Variants in ABHD5 observed in about 807,000 individuals in gnomAD.
The protein encoded by ABHD5 is abhydrolase domain containing 5, lysophosphatidic acid acyltransferase, also known as 1-acylglycerol-3-phosphate O-acyltransferase ABHD5.
Under a neutral mutation model 44.9 loss-of-function variants are expected in ABHD5, and 30 were observed. The ratio of observed to expected loss-of-function variants is 0.67; its 90% CI spans 0.50 to 0.91. The LOEUF (loss-of-function observed/expected upper bound fraction) is 0.91, where lower values mean the gene tolerates loss of function less well. ABHD5 is among the 40% of genes least tolerant of loss of function. The pLI is 0.00. For synonymous variants in ABHD5, 167 were observed against 147.0 expected, an observed-to-expected ratio of 1.14 and a Z score of -0.99; for missense variants, 399 against 423.4, an observed-to-expected ratio of 0.94 and a Z score of 0.50.
rs2084748098 is a variant in ABHD5, at chr3:43,715,152, C to CTATG, written c.773+97_773+98insGTAT. ...GTGTTTTAGACTATTTTTTTTAAAA[C>CTATG]TATTTATTTATTTATTTATTCATTC... is the stretch of plus-strand genomic sequence containing the variant. On this transcript the variant is annotated intron_variant, in intron 5 of 6. Coordinates refer to ENST00000644371, the MANE Select transcript of ABHD5 (RefSeq NM_016006.6). 4 of 872,904 alleles carry CTATG rather than the reference C, an allele frequency of 4.6e-6. No homozygotes were observed. The East Asian group carries it at 1.2e-4, about 25-fold the overall frequency. 54.1% of individuals were successfully genotyped at this position (872,904 alleles called of 1,614,324 possible). A position where few individuals can be genotyped will look rare whatever the true frequency, so the allele number is the denominator to read the frequency against.
intron 4 of ABHD5, among the ~76,000 whole-genome samples, chr3:43,713,542 G>C (rs1314302812): frequency 6.6e-6 from 1 of 151,840 alleles, no homozygotes; most frequent in African/African-American, 2.4e-5. Flanking sequence ...CTTAGAGGAG[G>C]ATATGGGGGT....
chr3:43,695,399 A>G (rs115019212), intron 1 of ABHD5, among the ~76,000 whole-genome samples: 7 of 152,096 alleles, frequency 4.6e-5, no homozygotes, highest in Non-Finnish European at 8.8e-5. Flanking sequence ...TGAGATAGAG[A>G]GCTGTGCTTA....
chr3:43,717,911 A>T, intron 6 of ABHD5, 54 bp downstream of exon 6: 1 of 1,608,440 alleles, frequency 6.2e-7, no homozygotes, highest in Non-Finnish European at 8.5e-7. Flanking sequence ...CCGTTTTATT[A>T]TCTCCCTTAA....
At chr3:43,716,865 G>C (rs1381795077) in intron 5 of ABHD5, among the ~76,000 whole-genome samples, 2 of 152,132 alleles carry the variant, frequency 1.3e-5, no homozygotes, top group African/African-American at 4.8e-5. Flanking sequence ...TTAGAATGAT[G>C]TCTGGTTTTG....
At chr3:43,691,205 C>A in intron 1 of ABHD5, 166 bp downstream of exon 1, 1 of 588,390 alleles carries the variant, frequency 1.7e-6, no homozygotes, top group Non-Finnish European at 2.6e-6. Context: ...CAGAGGCGTC[C>A]CGGCGCCGCT....
In ABHD5 at chr3:43,722,110, A is replaced by G. The variant is rs1416582234; in HGVS notation, c.*3578A>G. 6.6e-6 allele frequency: 1 copy of G among 152,256 alleles called. No homozygotes were observed. The highest frequency in any genetic ancestry group is 1.5e-5 in the Non-Finnish European group (1 of 68,052). 9.4% of individuals were successfully genotyped at this position (152,256 alleles called of 1,614,324 possible). ...CCATATGAGATGCACTTGCAAGAAT[A>G]TGAAATAGTATATGCACAAAGATCT... On this transcript the variant is annotated 3_prime_UTR_variant, in exon 7 of 7. Coordinates refer to ENST00000644371, the MANE Select transcript of ABHD5 (RefSeq NM_016006.6).
chr3:43,700,212 T>C (rs968427031), intron 2 of ABHD5, among the ~76,000 whole-genome samples: 2 of 152,224 alleles, frequency 1.3e-5, no homozygotes, highest in African/African-American at 4.8e-5. Flanking sequence ...GAATTCCTTC[T>C]AGTTCTAGCA....
At chr3:43,716,910 C>G (rs976070369) in intron 5 of ABHD5, among the ~76,000 whole-genome samples, 1 of 152,170 alleles carries the variant, frequency 6.6e-6, no homozygotes, top group Non-Finnish European at 1.5e-5. Flanking sequence ...GTGGTACTCA[C>G]GCCTGTAATC....
rs201459596 is a variant in ABHD5 at position 43,717,644 on chromosome 3, A to G, written c.774-27A>G. 21 of 1,611,398 alleles carry G rather than the reference A, an allele frequency of 1.3e-5. No individual in the cohort carries two copies. The South Asian group carries it at 1.9e-4, about 14-fold the overall frequency. On this transcript the variant is annotated intron_variant, in intron 5 of 6. Transcript: ENST00000644371. ...GCATACTCATTCCCAAAAATCATAC[A>G]TCGTGATTTTCTCCTTGCCGTTAAA...
At chr3:43,727,536 A>C (rs576361391), downstream of ABHD5, among the ~76,000 whole-genome samples, 1 of 152,126 alleles carries the variant, frequency 6.6e-6, no homozygotes, top group Admixed American at 6.5e-5. Flanking sequence ...ATTTCACTTT[A>C]CTCTAGAAGT....
chr3:43,716,285 G>C (rs1268916149), intron 5 of ABHD5, among the ~76,000 whole-genome samples: 1 of 152,066 alleles, frequency 6.6e-6, no homozygotes, highest in East Asian at 1.9e-4. Context: ...TGACTCCTGA[G>C]GTTTGTTTCT....
rs1559406067 is a variant in ABHD5, at chr3:43,690,968, TC to T, written c.-22del. On this transcript the variant is annotated 5_prime_UTR_variant, in exon 1 of 7. Coordinates refer to ENST00000644371, the MANE Select transcript of ABHD5 (RefSeq NM_016006.6). Reference sequence around the variant, plus strand: ...GCCTGTCAGCCGGCTTCGAGATAAGTCCCGGCGCTTGCGCGGCGGCGGCTAT... The same window carrying T: ...GCCTGTCAGCCGGCTTCGAGATAAGTCCGGCGCTTGCGCGGCGGCGGCTAT... 6.4e-7 allele frequency: 1 copy of T among 1,566,130 alleles called. No homozygotes were observed. The highest frequency in any genetic ancestry group is 8.6e-7 in the Non-Finnish European group (1 of 1,160,404).
chr3:43,728,422 A>G (rs1285877901), intron 7 of ABHD5, among the ~76,000 whole-genome samples: 6 of 152,236 alleles, frequency 3.9e-5, no homozygotes, highest in Admixed American at 2.0e-4. Context: ...TTAAACTTCT[A>G]CATTGCTGAT....
Position 43,702,571 on chromosome 3 carries a change from C to T in ABHD5, c.490C>T (p.Leu164=), listed in dbSNP as rs770227805. 6.2e-7 allele frequency: 1 copy of T among 1,614,188 alleles called. No individual in the cohort carries two copies. The highest frequency in any genetic ancestry group is 8.5e-7 in the Non-Finnish European group (1 of 1,180,028). The change falls in exon 3 of 7, where the codon CTG becomes TTG. Residue 164 remains leucine (L), a synonymous_variant. Coordinates refer to ENST00000644371, the MANE Select transcript of ABHD5 (RefSeq NM_016006.6). ...LGGFLAAAYS[L]KYPSRVNHLI... ...TGGATTCTTGGCTGCTGCTTACTCG[C>T]TGAAGTACCCATCAAGGTAAGTGGT... is the stretch of plus-strand genomic sequence containing the variant.
At chr3:43,694,304 T>C (rs1219931138) in intron 1 of ABHD5, among the ~76,000 whole-genome samples, 1 of 151,472 alleles carries the variant, frequency 6.6e-6, no homozygotes, top group East Asian at 1.9e-4. Flanking sequence ...CTTGAAACAT[T>C]ATATTGGCTT....
At chr3:43,731,643 C>G (rs150082390) in intron 7 of ABHD5, among the ~76,000 whole-genome samples, 239 of 152,190 alleles carry the variant, frequency 1.6e-3, no homozygotes, top group Non-Finnish European at 2.7e-3. Context: ...ACCAGCCTGA[C>G]CAACATGGAG....
chr3:43,711,917 G>A, intron 4 of ABHD5, 54 bp downstream of exon 4: 2 of 1,609,864 alleles, frequency 1.2e-6, no homozygotes, highest in Non-Finnish European at 1.7e-6. Context: ...GAGAAGAGCA[G>A]AATTCACTAT....
At chr3:43,697,944 G>C in intron 1 of ABHD5, among the ~76,000 whole-genome samples, 1 of 152,188 alleles carries the variant, frequency 6.6e-6, no homozygotes, top group East Asian at 1.9e-4. Flanking sequence ...ATGAAATGGG[G>C]ATAATTTGGA....
chr3:43,705,348 A>G (rs922089578), intron 3 of ABHD5, among the ~76,000 whole-genome samples: 12 of 152,220 alleles, frequency 7.9e-5, no homozygotes, highest in African/African-American at 2.2e-4. Flanking sequence ...GTTAGTCTAC[A>G]TCTTGAGTTA....
Sources: allele counts gnomAD v4.1 joint callset (sites outside exome capture counted in the v4.1 genomes callset), GRCh38; gene constraint gnomAD v4.1.1; transcripts MANE v1.5; gene names NCBI Gene and HGNC (gene_info 2026-07-23, HGNC 2026-07-21).